The following RBM19 variants were observed in gnomAD, a reference collection of about 807,000 sequenced individuals.
RBM19 encodes RNA binding motif protein 19.
Under a neutral mutation model 116.8 loss-of-function variants are expected in RBM19, and 94 were observed. That is an observed-to-expected ratio of 0.80 (90% CI 0.68 to 0.95). RBM19 has a LOEUF of 0.95. Ranked by LOEUF, RBM19 falls within the 40% of genes least tolerant of loss-of-function variation. The pLI is 0.00. For missense variants in RBM19, 1,161 were observed against 1,220.7 expected (o/e 0.95, Z 0.73); for synonymous variants, 475 against 494.1 (o/e 0.96, Z 0.51).
chr12:113,890,121 C>T (rs115058590), intron 21 of RBM19, among the ~76,000 whole-genome samples: 2 of 152,198 alleles, frequency 1.3e-5, no homozygotes, highest in African/African-American at 4.8e-5. Flanking sequence ...TCATTCCCCC[C>T]TCCCTCGCTG....
chr12:113,925,244 T>C (rs1305124994), intron 17 of RBM19, among the ~76,000 whole-genome samples: 1 of 152,290 alleles, frequency 6.6e-6, no homozygotes, highest in East Asian at 1.9e-4. Context: ...TCTTCAGCAC[T>C]ACACACAGAG....
Position 113,940,174 on chromosome 12 carries a change from A to G in RBM19, c.1738-14T>C, listed in dbSNP as rs780680553. 4.4e-6 allele frequency: 7 copies of G among 1,608,668 alleles called. No individual in the cohort carries two copies. Among genetic ancestry groups the G allele is most frequent in the Non-Finnish European group, 6.0e-6 (7 of 1,176,356 alleles). On this transcript the variant is annotated splice_polypyrimidine_tract_variant and intron_variant, in intron 14 of 23. Transcript: ENST00000261741. ...CTCTGCTGCAGCCTGCAAAGAGGAA[A>G]TGCACACACATGGGACCACAGGAGG...
rs1424016287 is a variant in RBM19 at position 113,898,841 on chromosome 12, T to C, written c.2558+16128A>G. Among the ~76,000 whole-genome samples, 2 of 152,234 alleles carry C rather than the reference T, an allele frequency of 1.3e-5. No homozygotes were observed. Among genetic ancestry groups the C allele is most frequent in the Non-Finnish European group, 2.9e-5 (2 of 68,038 alleles). ...TGAATTTAGTTTCTGCAAAACGACA[T>C]CATCCATCACGCTAAAATAATGTTG... is the stretch of plus-strand genomic sequence containing the variant. On this transcript the variant is annotated intron_variant, in intron 21 of 23. Transcript: ENST00000261741. This position sits in a 1 kb window ranked among gnomAD's most constrained non-coding sequence, Gnocchi z 4.3.
Position 113,939,960 on chromosome 12 carries a change from C to A in RBM19, c.1938G>T (p.Lys646Asn). 1 of 1,613,816 alleles carries A rather than the reference C, an allele frequency of 6.2e-7. No homozygotes were observed. The highest frequency in any genetic ancestry group is 1.1e-5 in the South Asian group (1 of 91,038). The change falls in exon 15 of 24, where the codon AAG becomes AAT. Residue 646 changes from lysine to asparagine, a missense_variant and splice_region_variant. By Grantham distance (94) the Lys-to-Asn change is moderately conservative (BLOSUM62 0). Transcript: ENST00000261741. ...RKAFRHLAYS[K>N]FHHVPLYLEW... ...AATTCTGGGTCTCCAGCAGCCCTAC[C>A]TTGGAATAGGCCAGATGCCTGAAGG... is the stretch of plus-strand genomic sequence containing the variant.
At chr12:113,876,230 T>G (rs1464785991) in intron 21 of RBM19, among the ~76,000 whole-genome samples, 1 of 152,238 alleles carries the variant, frequency 6.6e-6, no homozygotes, top group African/African-American at 2.4e-5. Flanking sequence ...GGGCAGAATC[T>G]GCAACCTATG....
chr12:113,835,655 C>A (rs533276210), intron 23 of RBM19, among the ~76,000 whole-genome samples: 4 of 152,314 alleles, frequency 2.6e-5, no homozygotes, highest in African/African-American at 9.6e-5. Context: ...GGGACAGCCA[C>A]CCGTCTGTGC....
At chr12:113,951,315 C>T (rs773272796) in intron 8 of RBM19, among the ~76,000 whole-genome samples, 1 of 152,126 alleles carries the variant, frequency 6.6e-6, no homozygotes, top group African/African-American at 2.4e-5. Context: ...ATATGGTTTT[C>T]TCTTGGGTCT....
At chr12:113,844,961 A>G (rs1252027615) in intron 22 of RBM19, among the ~76,000 whole-genome samples, 173 bp from the exon 23 acceptor site, 1 of 152,150 alleles carries the variant, frequency 6.6e-6, no homozygotes, top group Non-Finnish European at 1.5e-5. Context: ...CTATTTAATT[A>G]GTGGGTTGCA....
At chr12:113,821,235 T>G (rs1874395370), downstream of RBM19, among the ~76,000 whole-genome samples, 1 of 152,180 alleles carries the variant, frequency 6.6e-6, no homozygotes, top group Non-Finnish European at 1.5e-5. Flanking sequence ...GGGGAGGTTC[T>G]AGAAGCATCC....
intron 23 of RBM19, among the ~76,000 whole-genome samples, chr12:113,835,912 T>C (rs1206667431): frequency 2.6e-5 from 4 of 152,240 alleles, no homozygotes; most frequent in Non-Finnish European, 5.9e-5. Context: ...CCAGCCTCCC[T>C]GGCTGTGAGT....
Position 113,947,484 on chromosome 12 carries a change from C to A in RBM19, c.1277-20G>T. 6.3e-7 allele frequency: 1 copy of A among 1,581,206 alleles called. No homozygotes were observed. The highest frequency in any genetic ancestry group is 1.1e-5 in the South Asian group (1 of 88,828). On this transcript the variant is annotated intron_variant, in intron 10 of 23. Transcript: ENST00000261741. ...GGGGACCTGAGGACAGGAGAAGTGT[C>A]GGTCTCTGGTAGGCCGCAGCCACTT...
chr12:113,823,405 AG>A, intron 23 of RBM19, 84 bp from the exon 24 acceptor site: 1 of 1,209,064 alleles, frequency 8.3e-7, no homozygotes, highest in Non-Finnish European at 1.2e-6. Flanking sequence ...CAGAGGAAGG[AG>A]GGAGAGGGGA....
At chr12:113,914,936 G>A (rs922099994) in intron 21 of RBM19, 33 bp downstream of exon 21, 47 of 1,572,402 alleles carry the variant, frequency 3.0e-5, no homozygotes, top group Non-Finnish European at 3.7e-5. Context: ...CCGCCCACAC[G>A]CCAGTCCCCT....
intron 21 of RBM19, among the ~76,000 whole-genome samples, chr12:113,908,573 CAAAAAAAAAAA>C (rs11338829): frequency 6.0e-5 from 2 of 33,218 alleles, no homozygotes; most frequent in Non-Finnish European, 5.7e-5. Context: ...AAGAAAATAG[CAAAAAAAAAAA>C]AAAAAAAAAA....
intron 9 of RBM19, 60 bp from the exon 10 acceptor site, chr12:113,949,096 G>T: frequency 6.9e-7 from 1 of 1,454,666 alleles, no homozygotes; most frequent in East Asian, 2.3e-5. Flanking sequence ...GCAACTCCTT[G>T]CTGGTGACTC....
intron 18 of RBM19, among the ~76,000 whole-genome samples, chr12:113,921,839 C>A (rs538532985): frequency 3.9e-4 from 59 of 152,318 alleles, no homozygotes; most frequent in African/African-American, 1.4e-3. Flanking sequence ...AAGTTCAACT[C>A]TGAGTTACTG....
chr12:113,866,558 C>T (rs1183577792), intron 21 of RBM19, among the ~76,000 whole-genome samples: 6 of 152,250 alleles, frequency 3.9e-5, no homozygotes, highest in African/African-American at 1.4e-4. Flanking sequence ...TCTGCCCTCA[C>T]CAACTGGGTG....
At chr12:113,817,662 G>C (rs1874136864), downstream of RBM19, 1 of 150,702 alleles carries the variant, frequency 6.6e-6, no homozygotes, top group Admixed American at 6.6e-5. Context: ...ATGTTCGCTG[G>C]CTCTTTCTTT....
intron 21 of RBM19, among the ~76,000 whole-genome samples, chr12:113,906,573 T>C (rs1249756786): frequency 6.6e-6 from 1 of 152,138 alleles, no homozygotes; most frequent in African/African-American, 2.4e-5. Context: ...TGCCATACTG[T>C]CCGCTTAGGA....
Sources: allele counts gnomAD v4.1 joint callset (sites outside exome capture counted in the v4.1 genomes callset), GRCh38; gene constraint gnomAD v4.1.1; non-coding constraint Gnocchi (gnomAD v3.1); transcripts MANE v1.5; gene names NCBI Gene and HGNC (gene_info 2026-07-23, HGNC 2026-07-21).